ADCY9: variants seen among roughly 807,000 people sequenced by gnomAD.
ADCY9 encodes the protein adenylate cyclase 9.
ADCY9 carries 50 observed loss-of-function variants against 101.5 expected under a neutral mutation model. The ratio of observed to expected loss-of-function variants is 0.49; its 90% CI spans 0.39 to 0.62. The LOEUF (loss-of-function observed/expected upper bound fraction) is 0.62, where lower values mean the gene tolerates loss of function less well. Among genes scored for constraint, ADCY9 ranks in the 20% least tolerant of loss-of-function variants. ADCY9 has a pLI of 0.00. For missense variants in ADCY9, 1,662 were observed against 1,800.4 expected, an observed-to-expected ratio of 0.92 and a Z score of 1.39; for synonymous variants, 905 against 769.3, an observed-to-expected ratio of 1.18 and a Z score of -2.92.
Position 4,038,526 on chromosome 16 carries a change from A to G in ADCY9, c.1694-30968T>C, listed in dbSNP as rs182990385. ...CTCCAGAACTGCCTCCAGAACTGTA[A>G]GAAATAAATTTCTATTGTTTGGAAA... On this transcript the variant is annotated intron_variant, in intron 2 of 10. Transcript: ENST00000294016. Among the ~76,000 whole-genome samples the G allele has an allele frequency of 5.3e-5, 8 of 152,284 alleles. 1 individual carries two copies. The highest frequency in any genetic ancestry group is 4.6e-4 in the Admixed American group (7 of 15,284).
chr16:4,102,242 A>T (rs564903162), intron 2 of ADCY9, among the ~76,000 whole-genome samples: 1 of 152,184 alleles, frequency 6.6e-6, no homozygotes, highest in African/African-American at 2.4e-5. Context: ...TCTGACAGAG[A>T]CACCATCATT....
chr16:3,982,274 C>T (rs1398637012), intron 7 of ADCY9: 4 of 152,512 alleles, frequency 2.6e-5, no homozygotes, highest in Non-Finnish European at 5.9e-5. Flanking sequence ...CGGCGCCTCA[C>T]GCCAGACTCA....
intron 2 of ADCY9, among the ~76,000 whole-genome samples, chr16:4,078,489 G>C (rs2056881581): frequency 6.6e-6 from 1 of 150,468 alleles, no homozygotes; most frequent in Non-Finnish European, 1.5e-5. Flanking sequence ...CCTAAGCCTA[G>C]GAGGTCAAAG....
Position 4,019,691 on chromosome 16 carries a change from A to G in ADCY9, c.1694-12133T>C, listed in dbSNP as rs540288080. Among the ~76,000 whole-genome samples, 39 of 152,308 alleles carry G rather than the reference A, an allele frequency of 2.6e-4. 1 individual carries two copies. The South Asian group carries it at 3.1e-3, about 12-fold the overall frequency. On this transcript the variant is annotated intron_variant, in intron 2 of 10. Transcript: ENST00000294016. ...GACCCTGGAAAAACCACTGTTGTCA[A>G]AGGAGAGATGGAAGTGGGCAGAAAG...
At chr16:3,980,246 T>C (rs1860260002) in intron 7 of ADCY9, among the ~76,000 whole-genome samples, 1 of 151,548 alleles carries the variant, frequency 6.6e-6, no homozygotes, top group African/African-American at 2.4e-5. Context: ...GGCGTGTGTC[T>C]AGCGGGCTTC....
chr16:3,983,578 C>T (rs946073709), intron 6 of ADCY9, 138 bp from the exon 7 acceptor site: 3 of 706,760 alleles, frequency 4.2e-6, no homozygotes, highest in Admixed American at 5.0e-5. Flanking sequence ...TCTCGGAGGG[C>T]TGTCTCCCTC....
In ADCY9 at chr16:3,992,867, GGCAGATGGAGA is replaced by G. The variant is rs2056256677; in HGVS notation, c.1990-515_1990-505del. On this transcript the variant is annotated intron_variant, in intron 4 of 10. Transcript: ENST00000294016. This position sits in a 1 kb window ranked among gnomAD's most constrained non-coding sequence, Gnocchi z 4.2. Reference sequence around the variant, plus strand: ...GGATGACCTGCACCTGCAATCCTTTGGCAGATGGAGAGCAGATGGAGGACGAGAGCCCGCGC... The same window carrying G: ...GGATGACCTGCACCTGCAATCCTTTGGCAGATGGAGGACGAGAGCCCGCGC... Among the ~76,000 whole-genome samples, 1 of 152,222 alleles carries G rather than the reference GGCAGATGGAGA, an allele frequency of 6.6e-6. No homozygotes were observed. Among genetic ancestry groups the G allele is most frequent in the Non-Finnish European group, 1.5e-5 (1 of 68,016 alleles).
intron 2 of ADCY9, among the ~76,000 whole-genome samples, chr16:4,039,000 C>A (rs768989643): frequency 1.3e-5 from 2 of 152,082 alleles, no homozygotes; most frequent in Non-Finnish European, 2.9e-5. Flanking sequence ...ATAATAGCAA[C>A]AACATCTCCT....
intron 2 of ADCY9, among the ~76,000 whole-genome samples, chr16:4,044,794 C>T (rs971739456): frequency 6.6e-6 from 1 of 152,132 alleles, no homozygotes; most frequent in Non-Finnish European, 1.5e-5. Flanking sequence ...TTTTTCAGGA[C>T]CTAGCTCTGA....
chr16:3,986,984 C>T (rs2238444), intron 6 of ADCY9, among the ~76,000 whole-genome samples: 7 of 152,082 alleles, frequency 4.6e-5, no homozygotes, highest in Admixed American at 1.3e-4. Flanking sequence ...GCCCCTGCCA[C>T]GTCCTGCCAC....
At chr16:4,040,282 G>A (rs2056618200) in intron 2 of ADCY9, among the ~76,000 whole-genome samples, 1 of 151,870 alleles carries the variant, frequency 6.6e-6, no homozygotes, top group Non-Finnish European at 1.5e-5. Context: ...CTCAGACTAG[G>A]GTAGTTTGTT....
At chr16:4,009,368 G>C (rs888221585) in intron 2 of ADCY9, among the ~76,000 whole-genome samples, 2 of 152,074 alleles carry the variant, frequency 1.3e-5, no homozygotes, top group African/African-American at 2.4e-5. Context: ...ACCTCCTATA[G>C]CCTCAGCCTC....
At chr16:3,984,202 C>A (rs933527646) in intron 6 of ADCY9, 1 of 152,264 alleles carries the variant, frequency 6.6e-6, no homozygotes, top group Non-Finnish European at 1.5e-5. Context: ...GAGGTCCCTG[C>A]ATCTGTAAGG....
chr16:4,097,873 T>C (rs2057018463), intron 2 of ADCY9, among the ~76,000 whole-genome samples: 1 of 152,060 alleles, frequency 6.6e-6, no homozygotes, highest in Non-Finnish European at 1.5e-5. Flanking sequence ...TTCATTCATT[T>C]ATCAGCAAAT....
At position 4,116,270 on chromosome 16, in the gene ADCY9, C is replaced by A. The variant is rs868546664; in HGVS notation, c.-624G>T. ...GCAGACGCTGCCGCAGAGCCGGGCT[C>A]CCGCGACGCCGGCCGGGACGCCCGC... On this transcript the variant is annotated 5_prime_UTR_variant, in exon 1 of 11. Coordinates refer to ENST00000294016, the MANE Select transcript of ADCY9 (RefSeq NM_001116.4). The A allele has an allele frequency of 4.0e-4, 58 of 146,214 alleles. No homozygotes were observed. Among genetic ancestry groups the A allele is most frequent in the African/African-American group, 1.4e-3 (56 of 40,830 alleles). 9.1% of individuals were successfully genotyped at this position (146,214 alleles called of 1,614,324 possible). A position where few individuals can be genotyped will look rare whatever the true frequency, so the allele number is the denominator to read the frequency against.
chr16:4,014,335 A>G (rs530970028), intron 2 of ADCY9, among the ~76,000 whole-genome samples: 167 of 151,054 alleles, frequency 1.1e-3, no homozygotes, highest in African/African-American at 3.6e-3. Context: ...GAAAAAAAAA[A>G]AAAAAGAAGT....
At chr16:4,104,939 C>T (rs781208295) in intron 2 of ADCY9, among the ~76,000 whole-genome samples, 2 of 151,830 alleles carry the variant, frequency 1.3e-5, no homozygotes, top group Non-Finnish European at 2.9e-5. Flanking sequence ...TGTGGTGGTG[C>T]GTGCCTGTAA....
chr16:3,953,795 T>A (rs991438711), intron 5 of ADCY9, among the ~76,000 whole-genome samples: 4 of 152,220 alleles, frequency 2.6e-5, no homozygotes, highest in African/African-American at 9.6e-5. Flanking sequence ...GTCACCCCTT[T>A]GCAGCCATCC....
intron 2 of ADCY9, among the ~76,000 whole-genome samples, chr16:4,112,906 T>G (rs2057122561): frequency 6.6e-6 from 1 of 152,072 alleles, no homozygotes; most frequent in Admixed American, 6.6e-5. Context: ...CTCAAAGACT[T>G]TTGTCCTATA....
Sources: allele counts gnomAD v4.1 joint callset (sites outside exome capture counted in the v4.1 genomes callset), GRCh38; gene constraint gnomAD v4.1.1; non-coding constraint Gnocchi (gnomAD v3.1); transcripts MANE v1.5; gene names NCBI Gene and HGNC (gene_info 2026-07-23, HGNC 2026-07-21).